The following AP1AR variants were observed in gnomAD, a reference collection of about 807,000 sequenced individuals.
AP1AR encodes AP-1 complex-associated regulatory protein.
Under a neutral mutation model 46.3 loss-of-function variants are expected in AP1AR, and 29 were observed. That is an observed-to-expected ratio of 0.63 (90% CI 0.47 to 0.85). The LOEUF (loss-of-function observed/expected upper bound fraction) is 0.85. Among genes scored for constraint, AP1AR ranks in the 40% least tolerant of loss-of-function variants. The probability of loss-of-function intolerance (pLI) is 0.00; values close to 1 mark genes in which losing one functional copy is unlikely to be tolerated. For missense variants in AP1AR, 357 were observed against 356.3 expected (o/e 1.00, Z -0.02); for synonymous variants, 122 against 122.9 (o/e 0.99, Z 0.05).
At chr4:112,259,571 A>G (rs779508498) in intron 4 of AP1AR, among the ~76,000 whole-genome samples, 19 of 152,236 alleles carry the variant, frequency 1.2e-4, no homozygotes, top group Non-Finnish European at 2.6e-4. Flanking sequence ...CTTGGCTGAA[A>G]AAAAGAGGGA....
chr4:112,233,617 C>G (rs996976680), intron 1 of AP1AR, among the ~76,000 whole-genome samples: 9 of 152,206 alleles, frequency 5.9e-5, no homozygotes, highest in Admixed American at 2.0e-4. Flanking sequence ...GGGAGCAGTA[C>G]TTACATTCTA....
intron 7 of AP1AR, chr4:112,265,349 A>G (rs1265482141): frequency 2.7e-6 from 1 of 372,226 alleles, no homozygotes; most frequent in Non-Finnish European, 4.8e-6. Flanking sequence ...TTTATACCCC[A>G]GTTGTTTGTG....
chr4:112,241,891 G>GA (rs533186583), intron 1 of AP1AR, among the ~76,000 whole-genome samples: 72 of 147,992 alleles, frequency 4.9e-4, no homozygotes, highest in Middle Eastern at 3.5e-3. Flanking sequence ...CCAGTCTTCT[G>GA]AAAAAAAAAA....
In AP1AR at chr4:112,256,201, A is replaced by C. The variant is rs571127562; in HGVS notation, c.159+1428A>C. ...TTAACGTGGGTAAAAATCCTTTTTT[A>C]AAATAATAATACATATTTTTCATCT... On this transcript the variant is annotated intron_variant, in intron 3 of 9. Coordinates refer to ENST00000274000, the MANE Select transcript of AP1AR (RefSeq NM_018569.6). 2.3e-3 allele frequency among the ~76,000 whole-genome samples: 357 copies of C among 152,332 alleles called. 2 individuals carry two copies. Among genetic ancestry groups the C allele is most frequent in the African/African-American group, 8.2e-3 (343 of 41,576 alleles).
Position 112,273,078 on chromosome 4 carries a change from CAACAAT to C in AP1AR, c.*4678_*4683del, listed in dbSNP as rs1033702918. On this transcript the variant is annotated 3_prime_UTR_variant, in exon 10 of 10. Transcript: ENST00000274000. ...TGAAATCCTAAATGTAAAACAACAA[CAACAAT>C]AACAATAAAAATGGAGAGAAACAGA... The C allele has an allele frequency of 2.6e-5, 4 of 151,794 alleles. No individual in the cohort carries two copies. The highest frequency in any genetic ancestry group is 4.4e-5 in the Non-Finnish European group (3 of 67,944). 9.4% of individuals were successfully genotyped at this position (151,794 alleles called of 1,614,324 possible).
intron 1 of AP1AR, among the ~76,000 whole-genome samples, chr4:112,250,142 T>A (rs189238065): frequency 6.6e-6 from 1 of 152,342 alleles, no homozygotes; most frequent in Admixed American, 6.5e-5. Context: ...ACCCTTCACT[T>A]ACATTCTCAT....
At chr4:112,234,605 G>T (rs2110462216) in intron 1 of AP1AR, among the ~76,000 whole-genome samples, 1 of 151,020 alleles carries the variant, frequency 6.6e-6, no homozygotes, top group African/African-American at 2.4e-5. Flanking sequence ...CAGTAAGCAT[G>T]TAGAGACAGA....
rs758370913 is a variant in AP1AR, at chr4:112,272,636, A to G, written c.*4227A>G. ...AGACAAAGGTCAAGCTGGGTACTCAATCTTTTGACGTCCCCCTTCGTTCCA... is the reference window on the plus strand; with the variant it reads ...AGACAAAGGTCAAGCTGGGTACTCAGTCTTTTGACGTCCCCCTTCGTTCCA... On this transcript the variant is annotated 3_prime_UTR_variant, in exon 10 of 10. Transcript: ENST00000274000. Among the ~76,000 whole-genome samples the G allele has an allele frequency of 3.3e-5, 5 of 152,186 alleles. No individual in the cohort carries two copies. The highest frequency in any genetic ancestry group is 5.9e-5 in the Non-Finnish European group (4 of 68,030).
At chr4:112,263,109 T>A in intron 6 of AP1AR, 23 bp downstream of exon 6, 2 of 1,571,608 alleles carry the variant, frequency 1.3e-6, no homozygotes, top group Non-Finnish European at 1.7e-6. Context: ...GACCCCAGCA[T>A]ATATTAGGGT....
chr4:112,240,592 A>G (rs1725449740), intron 1 of AP1AR, among the ~76,000 whole-genome samples: 1 of 152,204 alleles, frequency 6.6e-6, no homozygotes, highest in Non-Finnish European at 1.5e-5. Context: ...TGAATACAGT[A>G]TCTTGAATAT....
intron 1 of AP1AR, among the ~76,000 whole-genome samples, chr4:112,252,988 A>G (rs1408840984): frequency 2.0e-5 from 3 of 152,202 alleles, no homozygotes; most frequent in African/African-American, 2.4e-5. Context: ...GTTAGTGCCA[A>G]TAGAAAGAAA....
rs1578426730 is a variant in AP1AR, at chr4:112,270,158, T to A, written c.*1749T>A. 1.3e-5 allele frequency: 2 copies of A among 152,538 alleles called. No homozygotes were observed. Among genetic ancestry groups the A allele is most frequent in the Admixed American group, 1.3e-4 (2 of 15,264 alleles). 9.4% of individuals were successfully genotyped at this position (152,538 alleles called of 1,614,324 possible). ...AATCTGATGTGAAGACAAAAGTAAA[T>A]TAAGAAAGCAAGATGGAACTAGAAA... On this transcript the variant is annotated 3_prime_UTR_variant, in exon 10 of 10. Coordinates refer to ENST00000274000, the MANE Select transcript of AP1AR (RefSeq NM_018569.6).
chr4:112,239,487 C>T (rs1725389524), intron 1 of AP1AR, among the ~76,000 whole-genome samples: 1 of 152,154 alleles, frequency 6.6e-6, no homozygotes, highest in Admixed American at 6.5e-5. Context: ...TCTTCTCACA[C>T]TATACTCTCC....
chr4:112,243,169 T>C (rs761276643), intron 1 of AP1AR, among the ~76,000 whole-genome samples: 12 of 152,236 alleles, frequency 7.9e-5, no homozygotes, highest in Non-Finnish European at 1.5e-4. Context: ...TCTTCACAGC[T>C]CAACTTTATG....
intron 9 of AP1AR, 60 bp from the exon 10 acceptor site, chr4:112,268,084 T>C: frequency 3.5e-6 from 5 of 1,436,784 alleles, no homozygotes; most frequent in Non-Finnish European, 4.6e-6. Flanking sequence ...AATTTGGGAG[T>C]TTTTAAATAT....
chr4:112,243,337 C>T (rs1455093010), intron 1 of AP1AR, among the ~76,000 whole-genome samples: 1 of 152,142 alleles, frequency 6.6e-6, no homozygotes, highest in Non-Finnish European at 1.5e-5. Context: ...TATTACATCC[C>T]CATTGGGATT....
At chr4:112,254,044 A>G (rs1578413762) in intron 2 of AP1AR, among the ~76,000 whole-genome samples, 1 of 152,306 alleles carries the variant, frequency 6.6e-6, no homozygotes, top group East Asian at 1.9e-4. Context: ...TTTTGAATTC[A>G]TTGTTTTCTC....
intron 1 of AP1AR, among the ~76,000 whole-genome samples, chr4:112,236,179 A>G (rs1227543506): frequency 2.0e-5 from 3 of 151,838 alleles, no homozygotes; most frequent in Non-Finnish European, 4.4e-5. Context: ...CTCCTTAAAC[A>G]TACTGAACCT....
intron 2 of AP1AR, among the ~76,000 whole-genome samples, chr4:112,254,060 C>A (rs773291222): frequency 6.6e-6 from 1 of 152,132 alleles, no homozygotes; most frequent in Admixed American, 6.5e-5. Flanking sequence ...TTCTCTCAAT[C>A]TTTAAGCCAA....
Sources: gnomAD v4.1 joint callset for allele counts (sites outside exome capture counted in the v4.1 genomes callset) on GRCh38, gnomAD v4.1.1 for gene constraint, MANE v1.5 for transcripts, NCBI Gene and HGNC (gene_info 2026-07-23, HGNC 2026-07-21) for gene names.